SAMSN1: variants seen among roughly 807,000 people sequenced by gnomAD.
SAMSN1 encodes the protein SAM domain-containing protein SAMSN-1.
In SAMSN1, 31 loss-of-function variants were observed where a neutral mutation model predicts 42.0. That is an observed-to-expected ratio of 0.74 (90% CI 0.55 to 1.00). The LOEUF (loss-of-function observed/expected upper bound fraction) is 1.00, where lower values mean the gene tolerates loss of function less well. SAMSN1 is among the 50% of genes least tolerant of loss of function. The pLI is 0.00. For missense variants in SAMSN1, 464 were observed against 439.4 expected, an observed-to-expected ratio of 1.06 and a Z score of -0.50; for synonymous variants, 178 against 151.9, an observed-to-expected ratio of 1.17 and a Z score of -1.26.
chr21:14,491,881 T>C (rs556723138), intron 7 of SAMSN1, among the ~76,000 whole-genome samples: 1 of 152,214 alleles, frequency 6.6e-6, no homozygotes, highest in African/African-American at 2.4e-5. Context: ...TGTCTAAAAC[T>C]ATTACTTTTG....
At chr21:14,657,162 A>T (rs1983929598) in intron 1 of SAMSN1, among the ~76,000 whole-genome samples, 1 of 151,924 alleles carries the variant, frequency 6.6e-6, no homozygotes, top group Non-Finnish European at 1.5e-5. Context: ...CACAAGAAGG[A>T]ATAAAAAACA....
intron 2 of SAMSN1, among the ~76,000 whole-genome samples, chr21:14,575,643 T>C (rs1237193455): frequency 6.6e-6 from 1 of 152,226 alleles, no homozygotes; most frequent in African/African-American, 2.4e-5. Context: ...GTTCATAGTC[T>C]ACCTTCTTCC....
At chr21:14,578,138 T>G (rs1981568214) in intron 2 of SAMSN1, among the ~76,000 whole-genome samples, 1 of 152,214 alleles carries the variant, frequency 6.6e-6, no homozygotes, top group Non-Finnish European at 1.5e-5. Flanking sequence ...ACTAAATTTT[T>G]CTAATAGATA....
chr21:14,637,145 AACTT>A (rs1392360976), intron 2 of SAMSN1, among the ~76,000 whole-genome samples: 1 of 152,212 alleles, frequency 6.6e-6, no homozygotes, highest in African/African-American at 2.4e-5. Context: ...TGGCTGATAC[AACTT>A]AGGAAGTGAA....
intron 1 of SAMSN1, among the ~76,000 whole-genome samples, chr21:14,539,586 G>A (rs1284460942): frequency 6.6e-6 from 1 of 151,650 alleles, no homozygotes; most frequent in Non-Finnish European, 1.5e-5. Context: ...CAACTTACAA[G>A]GGATGTGAAG....
chr21:14,498,652 C>T (rs1038118257), intron 6 of SAMSN1, 60 bp from the exon 7 acceptor site: 2 of 1,374,744 alleles, frequency 1.5e-6, no homozygotes, highest in Admixed American at 5.2e-5. Flanking sequence ...TTTTAGTTCT[C>T]TTTAGATTTA....
At chr21:14,548,186 T>C (rs1980487640), upstream of SAMSN1, among the ~76,000 whole-genome samples, 1 of 151,958 alleles carries the variant, frequency 6.6e-6, no homozygotes, top group South Asian at 2.1e-4. Flanking sequence ...AATTATGGAG[T>C]TCAATCAGTA....
chr21:14,525,618 T>C, intron 1 of SAMSN1, among the ~76,000 whole-genome samples: 1 of 152,338 alleles, frequency 6.6e-6, no homozygotes, highest in South Asian at 2.1e-4. Flanking sequence ...GGAAGTAATG[T>C]TACTCTCTTA....
intron 4 of SAMSN1, among the ~76,000 whole-genome samples, chr21:14,611,229 G>T (rs1158546722): frequency 1.3e-5 from 2 of 152,130 alleles, no homozygotes; most frequent in Admixed American, 1.3e-4. Flanking sequence ...GGCTGTGATA[G>T]TTTCAAGAAA....
chr21:14,581,340 A>ATTTCT (rs1981713609), intron 2 of SAMSN1, among the ~76,000 whole-genome samples: 1 of 22,536 alleles, frequency 4.4e-5, no homozygotes, highest in African/African-American at 1.2e-4. Flanking sequence ...GGGAAATAAT[A>ATTTCT]TTTCTTTTTT....
intron 7 of SAMSN1, among the ~76,000 whole-genome samples, chr21:14,494,364 G>C (rs1986821428): frequency 1.3e-5 from 2 of 152,110 alleles, no homozygotes; most frequent in South Asian, 4.1e-4. Context: ...TATACACCAT[G>C]GAATACTACG....
intron 1 of SAMSN1, among the ~76,000 whole-genome samples, chr21:14,646,691 A>G (rs1261746436): frequency 1.3e-5 from 2 of 152,212 alleles, no homozygotes; most frequent in Non-Finnish European, 2.9e-5. Context: ...CCAATGAAAG[A>G]TAATAACTAC....
At chr21:14,526,050 T>G (rs1447733668) in intron 1 of SAMSN1, among the ~76,000 whole-genome samples, 1 of 152,042 alleles carries the variant, frequency 6.6e-6, no homozygotes, top group African/African-American at 2.4e-5. Context: ...GTATTTTTAG[T>G]AGAGACAGGG....
chr21:14,528,721 G>A (rs1012284498), intron 1 of SAMSN1, among the ~76,000 whole-genome samples: 1 of 151,998 alleles, frequency 6.6e-6, no homozygotes, highest in Non-Finnish European at 1.5e-5. Flanking sequence ...GCTAATTCCT[G>A]AACCAATGCA....
intron 2 of SAMSN1, among the ~76,000 whole-genome samples, chr21:14,581,361 T>C (rs1417623128): frequency 9.0e-6 from 1 of 111,186 alleles, no homozygotes; most frequent in African/African-American, 3.3e-5. Context: ...TTTTTTTTTT[T>C]TTTTTTTTTT....
At position 14,510,334 on chromosome 21, in the gene SAMSN1, A is replaced by G. The variant is rs962393224; in HGVS notation, c.537T>C (p.Tyr179=). The G allele has an allele frequency of 1.2e-6, 2 of 1,614,156 alleles. No homozygotes were observed. The highest frequency in any genetic ancestry group is 1.7e-6 in the Non-Finnish European group (2 of 1,180,010). ...RVHTDFTPSP[Y]DTDSLKIKKG... is the part of the protein sequence containing the mutation. ...CCTTGATTTTGAGGGAGTCAGTGTC[A>G]TAGGGACTTGGCGTGAAATCCGTAT... is the stretch of plus-strand genomic sequence containing the variant. Residue 179 remains tyrosine, a synonymous_variant, in exon 5 of 8, where the codon TAT becomes TAC. Coordinates refer to ENST00000400566, the MANE Select transcript of SAMSN1 (RefSeq NM_022136.5).
chr21:14,512,002 G>A (rs923646809), intron 4 of SAMSN1, among the ~76,000 whole-genome samples: 5 of 151,946 alleles, frequency 3.3e-5, no homozygotes, highest in East Asian at 3.9e-4. Context: ...GAAAGTGGTC[G>A]GGGGAGAAAG....
At chr21:14,597,997 C>G (rs1982320592) in intron 6 of SAMSN1, 1 of 152,142 alleles carries the variant, frequency 6.6e-6, no homozygotes, top group Non-Finnish European at 1.5e-5. Flanking sequence ...CCACCCCTAA[C>G]TACTGGGGAG....
chr21:14,546,760 A>C (rs1980416576), upstream of SAMSN1, among the ~76,000 whole-genome samples: 1 of 151,818 alleles, frequency 6.6e-6, no homozygotes, highest in Non-Finnish European at 1.5e-5. Flanking sequence ...CCCAGGCTAG[A>C]GTGCAGTGGC....
Sources: gnomAD v4.1 joint callset for allele counts (sites outside exome capture counted in the v4.1 genomes callset) on GRCh38, gnomAD v4.1.1 for gene constraint, MANE v1.5 for transcripts, NCBI Gene and HGNC (gene_info 2026-07-23, HGNC 2026-07-21) for gene names.